Variants in SLC25A21 observed in about 807,000 individuals in gnomAD.
SLC25A21 encodes the protein solute carrier family 25 member 21, also known as mitochondrial 2-oxodicarboxylate carrier.
SLC25A21 carries 47 observed loss-of-function variants against 43.8 expected under a neutral mutation model. The ratio of observed to expected loss-of-function variants is 1.07; its 90% CI spans 0.85 to 1.37. The LOEUF (loss-of-function observed/expected upper bound fraction) is 1.37, where lower values mean the gene tolerates loss of function less well. SLC25A21 is among the 40% of genes most tolerant of loss of function. The pLI is 0.00. For synonymous variants in SLC25A21, 131 were observed against 121.3 expected (o/e 1.08, Z -0.52); for missense variants, 352 against 350.2 (o/e 1.00, Z -0.04).
intron 1 of SLC25A21, among the ~76,000 whole-genome samples, chr14:37,043,213 C>T (rs973401475): frequency 2.0e-5 from 3 of 152,168 alleles, no homozygotes; most frequent in Admixed American, 6.5e-5. Context: ...TTCCTCTATA[C>T]AAATGTACAG....
intron 3 of SLC25A21, among the ~76,000 whole-genome samples, chr14:36,738,973 T>G (rs1950355): frequency 0.27 from 41,649 of 152,046 alleles, 5,858 homozygotes; most frequent in Admixed American, 0.39. Flanking sequence ...TTCCTCATTT[T>G]GCTGGTGAGG....
intron 2 of SLC25A21, among the ~76,000 whole-genome samples, chr14:36,824,967 G>GAGGTT (rs936340590): frequency 6.6e-6 from 1 of 152,026 alleles, no homozygotes; most frequent in Non-Finnish European, 1.5e-5. Flanking sequence ...ATCTTTGTAG[G>GAGGTT]AGGTTTTAGA....
At chr14:36,953,103 T>C (rs1261939364) in intron 1 of SLC25A21, among the ~76,000 whole-genome samples, 1 of 152,228 alleles carries the variant, frequency 6.6e-6, no homozygotes, top group African/African-American at 2.4e-5. Context: ...CTTTTGGTTA[T>C]CAAGGGTTGA....
chr14:37,121,144 G>A (rs75745602), intron 1 of SLC25A21, among the ~76,000 whole-genome samples: 5,080 of 152,206 alleles, frequency 0.033, 283 homozygotes, highest in African/African-American at 0.11. Context: ...CAGAACTTGC[G>A]CCAGGCAAAA....
At chr14:36,754,846 T>G (rs928544736) in intron 3 of SLC25A21, among the ~76,000 whole-genome samples, 4 of 152,332 alleles carry the variant, frequency 2.6e-5, no homozygotes, top group African/African-American at 4.8e-5. Context: ...GTAATTTTCA[T>G]AGTAATGCAT....
intron 1 of SLC25A21, among the ~76,000 whole-genome samples, chr14:37,054,483 T>C (rs1470542314): frequency 1.3e-5 from 2 of 152,194 alleles, no homozygotes; most frequent in Admixed American, 1.3e-4. Context: ...TTTTTGTATC[T>C]GGAAATAGAG....
intron 6 of SLC25A21, among the ~76,000 whole-genome samples, chr14:36,720,499 T>A (rs1884330122): frequency 6.6e-6 from 1 of 152,198 alleles, no homozygotes; most frequent in Non-Finnish European, 1.5e-5. Flanking sequence ...AAAATAAGCA[T>A]CTATGGGGTA....
chr14:37,028,031 C>T (rs533096747), intron 1 of SLC25A21, among the ~76,000 whole-genome samples: 33 of 152,088 alleles, frequency 2.2e-4, no homozygotes, highest in African/African-American at 7.7e-4. Flanking sequence ...ACTAAGAAAA[C>T]ATTTTAATAT....
chr14:36,781,949 T>C (rs1887078973), intron 3 of SLC25A21, among the ~76,000 whole-genome samples: 2 of 152,332 alleles, frequency 1.3e-5, no homozygotes, highest in African/African-American at 4.8e-5. Context: ...ATCCTTTGGC[T>C]TTCACCTGAG....
chr14:36,967,832 TTGTG>T (rs904341616), intron 1 of SLC25A21, among the ~76,000 whole-genome samples: 6 of 151,550 alleles, frequency 4.0e-5, no homozygotes, highest in Non-Finnish European at 8.8e-5. Flanking sequence ...CCACATGCAC[TTGTG>T]TGTGTGTGTG....
At chr14:36,856,916 T>C (rs752917075) in intron 2 of SLC25A21, among the ~76,000 whole-genome samples, 20 of 152,206 alleles carry the variant, frequency 1.3e-4, no homozygotes, top group Admixed American at 2.6e-4. Context: ...TTGGGAACCT[T>C]GTCTGCTGTG....
At chr14:36,963,939 T>A (rs1266343426) in intron 1 of SLC25A21, among the ~76,000 whole-genome samples, 1 of 152,180 alleles carries the variant, frequency 6.6e-6, no homozygotes, top group Non-Finnish European at 1.5e-5. Context: ...CATCTCTCCC[T>A]TGAAACCTTT....
intron 7 of SLC25A21, among the ~76,000 whole-genome samples, chr14:36,694,260 G>C (rs1046517787): frequency 2.6e-5 from 4 of 152,128 alleles, no homozygotes; most frequent in African/African-American, 7.2e-5. Flanking sequence ...TTTTATGGCT[G>C]CATAGTATTC....
chr14:36,844,023 G>A (rs1273476126), intron 2 of SLC25A21, among the ~76,000 whole-genome samples: 1 of 152,124 alleles, frequency 6.6e-6, no homozygotes, highest in Non-Finnish European at 1.5e-5. Flanking sequence ...ACCATTTTGT[G>A]TGTTGAAAGA....
intron 6 of SLC25A21, among the ~76,000 whole-genome samples, chr14:36,721,323 T>G (rs1884366359): frequency 6.6e-6 from 1 of 152,194 alleles, no homozygotes; most frequent in African/African-American, 2.4e-5. Context: ...TATTATTTTT[T>G]CCTAACAAAT....
intron 4 of SLC25A21, among the ~76,000 whole-genome samples, chr14:36,731,172 C>A (rs1024513920): frequency 6.6e-6 from 1 of 152,068 alleles, no homozygotes; most frequent in African/African-American, 2.4e-5. Flanking sequence ...ACGGGGTTTC[C>A]CCGTGTTAGC....
intron 2 of SLC25A21, among the ~76,000 whole-genome samples, chr14:36,827,579 G>A (rs1045797139): frequency 6.6e-6 from 1 of 152,174 alleles, no homozygotes; most frequent in African/African-American, 2.4e-5. Flanking sequence ...GGCAAGGGAA[G>A]AAATGAGTAC....
intron 2 of SLC25A21, among the ~76,000 whole-genome samples, chr14:36,832,087 A>T (rs1411138339): frequency 6.6e-6 from 1 of 152,150 alleles, no homozygotes; most frequent in Non-Finnish European, 1.5e-5. Context: ...AGTCTTAAAG[A>T]AAACCAAATC....
At chr14:36,799,401 C>T (rs1021257239) in intron 3 of SLC25A21, among the ~76,000 whole-genome samples, 9 of 152,240 alleles carry the variant, frequency 5.9e-5, no homozygotes, top group Admixed American at 2.6e-4. Context: ...ACATTCTATT[C>T]ACCATGGTGG....
Sources: allele counts gnomAD v4.1 joint callset (sites outside exome capture counted in the v4.1 genomes callset), GRCh38; gene constraint gnomAD v4.1.1; transcripts MANE v1.5; gene names NCBI Gene and HGNC (gene_info 2026-07-23, HGNC 2026-07-21).